The following NCAM2 variants were observed in gnomAD, a reference collection of about 807,000 sequenced individuals.
The protein encoded by NCAM2 is neural cell adhesion molecule 2.
A neutral mutation model predicts 98.1 loss-of-function variants in NCAM2; 30 were observed. The ratio of observed to expected loss-of-function variants is 0.31; its 90% confidence interval spans 0.23 to 0.41. The LOEUF (loss-of-function observed/expected upper bound fraction) is 0.41. Ranked by LOEUF, NCAM2 falls within the 10% of genes least tolerant of loss-of-function variation. The pLI, the probability that NCAM2 is intolerant of heterozygous loss-of-function variation, is 1.00. For missense variants in NCAM2, 867 were observed against 1,005.8 expected, an observed-to-expected ratio of 0.86 and a Z score of 1.87; for synonymous variants, 368 against 342.4, an observed-to-expected ratio of 1.07 and a Z score of -0.83.
chr21:21,283,029 T>G (rs930558833), intron 2 of NCAM2, among the ~76,000 whole-genome samples: 4 of 151,892 alleles, frequency 2.6e-5, no homozygotes, highest in African/African-American at 9.7e-5. Flanking sequence ...TTTTGTGACT[T>G]CTCCATAGAT....
intron 1 of NCAM2, among the ~76,000 whole-genome samples, chr21:21,275,450 A>G (rs146705331): frequency 0.018 from 2,709 of 151,918 alleles, 88 homozygotes; most frequent in East Asian, 0.15. Flanking sequence ...AAAAAAATAA[A>G]AAATAAAAAT....
chr21:21,363,137 T>A (rs2075690805), intron 8 of NCAM2, among the ~76,000 whole-genome samples: 1 of 152,152 alleles, frequency 6.6e-6, no homozygotes, highest in Non-Finnish European at 1.5e-5. Flanking sequence ...TAAACTAGAA[T>A]CTCTTTTGGG....
At chr21:21,405,626 C>T (rs985393282) in intron 9 of NCAM2, among the ~76,000 whole-genome samples, 1 of 152,046 alleles carries the variant, frequency 6.6e-6, no homozygotes, top group Admixed American at 6.6e-5. Context: ...TGTTTTAATG[C>T]AGAAGTTTAC....
intron 8 of NCAM2, among the ~76,000 whole-genome samples, chr21:21,355,679 G>A (rs1282367380): frequency 7.3e-5 from 11 of 151,124 alleles, no homozygotes; most frequent in Admixed American, 5.9e-4. Context: ...GCAGTGGCAC[G>A]ACCTCGGCTC....
At chr21:21,468,938 T>A (rs1984073882) in intron 14 of NCAM2, among the ~76,000 whole-genome samples, 155 bp downstream of exon 14, 1 of 151,920 alleles carries the variant, frequency 6.6e-6, no homozygotes, top group Non-Finnish European at 1.5e-5. Context: ...TCATTGTGAT[T>A]TTTTTTTATT....
At chr21:21,404,488 C>T (rs531261069) in intron 9 of NCAM2, among the ~76,000 whole-genome samples, 1 of 152,230 alleles carries the variant, frequency 6.6e-6, no homozygotes, top group Admixed American at 6.5e-5. Context: ...TTCACTTCCC[C>T]TTCTGCCACG....
chr21:21,309,843 T>TCC (rs5842916), intron 5 of NCAM2, among the ~76,000 whole-genome samples: 4 of 151,828 alleles, frequency 2.6e-5, no homozygotes, highest in East Asian at 1.9e-4. Context: ...TCACCTCATT[T>TCC]CCCCCCATAT....
At chr21:21,530,531 T>TA (rs1161820967) in intron 16 of NCAM2, among the ~76,000 whole-genome samples, 3 of 150,776 alleles carry the variant, frequency 2.0e-5, no homozygotes, top group Admixed American at 1.3e-4. Context: ...CTATAGTTTG[T>TA]AAAAAATAAT....
chr21:21,009,289 G>A (rs6518020), intron 1 of NCAM2, among the ~76,000 whole-genome samples: 85,521 of 151,906 alleles, frequency 0.56, 24,587 homozygotes, highest in East Asian at 0.81. Flanking sequence ...TATTTCACAC[G>A]TTTTGTTTAC....
At chr21:21,413,206 T>G (rs1486588972) in intron 10 of NCAM2, among the ~76,000 whole-genome samples, 1 of 152,164 alleles carries the variant, frequency 6.6e-6, no homozygotes, top group Non-Finnish European at 1.5e-5. Context: ...GGGCAAACAT[T>G]GAAAGAAGGA....
chr21:21,423,974 A>AT (rs1044365024), intron 11 of NCAM2, among the ~76,000 whole-genome samples: 1 of 152,112 alleles, frequency 6.6e-6, no homozygotes, highest in African/African-American at 2.4e-5. Flanking sequence ...GTGTACCTAG[A>AT]TTTTATCTTA....
At chr21:21,166,165 C>A (rs2067944398) in intron 1 of NCAM2, among the ~76,000 whole-genome samples, 1 of 152,176 alleles carries the variant, frequency 6.6e-6, no homozygotes, top group Admixed American at 6.5e-5. Flanking sequence ...TACATTATAA[C>A]CTGGAGCGCC....
chr21:21,324,110 A>C (rs1568933731), intron 5 of NCAM2, among the ~76,000 whole-genome samples: 1 of 152,208 alleles, frequency 6.6e-6, no homozygotes, highest in Non-Finnish European at 1.5e-5. Context: ...ATTGCACATT[A>C]GAACACAGAT....
chr21:21,434,525 C>G (rs1332576723), intron 12 of NCAM2, among the ~76,000 whole-genome samples: 1 of 152,120 alleles, frequency 6.6e-6, no homozygotes, highest in Admixed American at 6.5e-5. Context: ...GTTATGTAAT[C>G]AAACCACTGT....
intron 8 of NCAM2, among the ~76,000 whole-genome samples, chr21:21,360,604 C>T (rs189071143): frequency 3.3e-5 from 5 of 151,958 alleles, no homozygotes; most frequent in African/African-American, 1.2e-4. Context: ...TAGCGCTTAC[C>T]TTGTTCACTC....
intron 1 of NCAM2, among the ~76,000 whole-genome samples, chr21:21,000,112 G>T (rs188925448): frequency 1.4e-3 from 213 of 152,272 alleles, no homozygotes; most frequent in African/African-American, 4.9e-3. Flanking sequence ...TTAATTCAGT[G>T]GTTCTTAAGC....
chr21:21,340,286 T>G, intron 8 of NCAM2, among the ~76,000 whole-genome samples: 1 of 152,084 alleles, frequency 6.6e-6, no homozygotes, highest in East Asian at 1.9e-4. Context: ...AAGATAGTTT[T>G]TACTCTGCAT....
intron 9 of NCAM2, among the ~76,000 whole-genome samples, chr21:21,374,228 T>TG (rs755073693): frequency 8.6e-5 from 13 of 151,914 alleles, no homozygotes; most frequent in Admixed American, 2.0e-4. Flanking sequence ...CATTTTGATA[T>TG]TGCTTTTCCT....
chr21:21,133,187 A>C (rs1278849980), intron 1 of NCAM2, among the ~76,000 whole-genome samples: 1 of 152,222 alleles, frequency 6.6e-6, no homozygotes, highest in African/African-American at 2.4e-5. Flanking sequence ...ACAAATAGTA[A>C]GATACAATGA....
Sources: allele counts gnomAD v4.1 joint callset (sites outside exome capture counted in the v4.1 genomes callset), GRCh38; gene constraint gnomAD v4.1.1; transcripts MANE v1.5; gene names NCBI Gene and HGNC (gene_info 2026-07-23, HGNC 2026-07-21).